The following RAD51B variants were observed in gnomAD, a reference collection of about 807,000 sequenced individuals.
RAD51B encodes the protein RAD51 paralog B.
In RAD51B, 38 loss-of-function variants were observed where a neutral mutation model predicts 42.2. The ratio of observed to expected loss-of-function variants is 0.90; its 90% CI spans 0.70 to 1.18. The LOEUF is 1.18. Ranked by LOEUF, RAD51B falls within the 50% of genes most tolerant of loss-of-function variation. RAD51B has a pLI of 0.00. For missense variants in RAD51B, 373 were observed against 400.7 expected (o/e 0.93, Z 0.59); for synonymous variants, 154 against 145.2 (o/e 1.06, Z -0.43).
exon 11 of RAD51B, chr14:68,594,663 A>T: frequency 7.8e-7 from 1 of 1,279,836 alleles, no homozygotes; most frequent in African/African-American, 1.5e-5. Context: ...TCCTGGCTTC[A>T]AGAGATCCAC....
At chr14:68,622,735 A>AAC (rs1891979239) in intron 10 of RAD51B, among the ~76,000 whole-genome samples, 2 of 151,710 alleles carry the variant, frequency 1.3e-5, no homozygotes, top group African/African-American at 4.8e-5. Flanking sequence ...AAAAAAAAAA[A>AAC]AAAAAAAACT....
At chr14:68,302,979 G>A (rs1317080701) in intron 8 of RAD51B, among the ~76,000 whole-genome samples, 1 of 152,170 alleles carries the variant, frequency 6.6e-6, no homozygotes. Context: ...CCAGTTTTGG[G>A]GCCAGTTTAT....
At chr14:68,483,206 T>C (rs1161221167) in intron 10 of RAD51B, among the ~76,000 whole-genome samples, 1 of 152,224 alleles carries the variant, frequency 6.6e-6, no homozygotes, top group Non-Finnish European at 1.5e-5. Flanking sequence ...AAAGGGGAAC[T>C]GGATATTGGT....
chr14:68,053,059 A>G (rs1467803932), intron 7 of RAD51B, among the ~76,000 whole-genome samples: 1 of 152,200 alleles, frequency 6.6e-6, no homozygotes, highest in Non-Finnish European at 1.5e-5. Flanking sequence ...TCATCTGCAG[A>G]AAAAGGGAAT....
At position 67,968,325 on chromosome 14, in the gene RAD51B, CCTT is replaced by C. The variant is rs1469209283; in HGVS notation, c.756+81125_756+81127del. ...TTGTCTTGGGGATTAGCATTCAGCT[CCTT>C]CTTGTGCAAATTTCTGCAGCCAGCT... On this transcript the variant is annotated intron_variant, in intron 7 of 10. Coordinates refer to ENST00000471583, the MANE Select transcript of RAD51B (RefSeq NM_133510.4). 2.6e-5 allele frequency among the ~76,000 whole-genome samples: 4 copies of C among 152,296 alleles called. No homozygotes were observed. The South Asian group carries it at 6.2e-4, about 24-fold the overall frequency.
intron 7 of RAD51B, among the ~76,000 whole-genome samples, chr14:67,947,865 T>A (rs1485686516): frequency 6.6e-6 from 1 of 152,216 alleles, no homozygotes; most frequent in Non-Finnish European, 1.5e-5. Flanking sequence ...TGTTTTCAAT[T>A]AGATATTTAA....
rs116971137 is a variant in RAD51B at position 67,846,969 on chromosome 14, G to T, written c.315+11773G>T. On this transcript the variant is annotated intron_variant, in intron 4 of 10. Coordinates refer to ENST00000471583, the MANE Select transcript of RAD51B (RefSeq NM_133510.4). ...GCTCAGGTGTCCACACCCTGGGGTCGTGGGGTCTCCTGCTGCTAGGATTTC... is the reference window on the plus strand; with the variant it reads ...GCTCAGGTGTCCACACCCTGGGGTCTTGGGGTCTCCTGCTGCTAGGATTTC... Among the ~76,000 whole-genome samples, 706 of 152,268 alleles carry T rather than the reference G, an allele frequency of 4.6e-3. 1 individual carries two copies. Among genetic ancestry groups the T allele is most frequent in the Middle Eastern group, 6.8e-3 (2 of 294 alleles).
At chr14:68,459,220 C>T (rs1223689037) in intron 9 of RAD51B, among the ~76,000 whole-genome samples, 2 of 152,192 alleles carry the variant, frequency 1.3e-5, no homozygotes, top group African/African-American at 4.8e-5. Flanking sequence ...GAGTTCAGCT[C>T]AACCTGGGAA....
chr14:68,538,844 C>T (rs770539530), intron 10 of RAD51B, among the ~76,000 whole-genome samples: 13 of 152,194 alleles, frequency 8.5e-5, no homozygotes, highest in Non-Finnish European at 1.5e-4. Flanking sequence ...CCACAGTTCC[C>T]ACCTGTTTCC....
intron 10 of RAD51B, among the ~76,000 whole-genome samples, chr14:68,506,711 G>A (rs143071084): frequency 1.3e-5 from 2 of 152,288 alleles, no homozygotes; most frequent in African/African-American, 4.8e-5. Context: ...GGGTGGGGGG[G>A]ACAAAGGAGA....
intron 3 of RAD51B, among the ~76,000 whole-genome samples, chr14:67,832,633 G>A (rs1022656254): frequency 1.3e-5 from 2 of 152,136 alleles, no homozygotes; most frequent in Non-Finnish European, 2.9e-5. Flanking sequence ...AATAATGTAT[G>A]TAAAGTACTT....
intron 8 of RAD51B, among the ~76,000 whole-genome samples, chr14:68,388,415 C>G (rs781127258): frequency 3.3e-5 from 5 of 152,056 alleles, no homozygotes; most frequent in Non-Finnish European, 5.9e-5. Flanking sequence ...TGTTGTTCTT[C>G]TAGTTGGTTT....
chr14:68,571,563 G>T (rs1184999532), intron 10 of RAD51B, among the ~76,000 whole-genome samples: 2 of 152,156 alleles, frequency 1.3e-5, no homozygotes, highest in African/African-American at 4.8e-5. Context: ...TTCCTCTTCT[G>T]CCTCCCTCTT....
At chr14:68,492,191 C>G (rs77754033) in intron 10 of RAD51B, among the ~76,000 whole-genome samples, 19 of 152,312 alleles carry the variant, frequency 1.2e-4, no homozygotes, top group African/African-American at 4.6e-4. Context: ...ATATCACCTT[C>G]TCTATGAGAC....
chr14:68,066,952 T>A (rs965544122), intron 7 of RAD51B, among the ~76,000 whole-genome samples: 7 of 152,180 alleles, frequency 4.6e-5, no homozygotes, highest in African/African-American at 1.7e-4. Context: ...CATTGAATGA[T>A]GCTAAAAGGA....
chr14:68,066,605 C>T (rs923768954), intron 7 of RAD51B, among the ~76,000 whole-genome samples: 3 of 152,028 alleles, frequency 2.0e-5, no homozygotes, highest in Admixed American at 6.6e-5. Context: ...ATTAGTCTTT[C>T]TTCTGGTTCT....
chr14:68,072,190 GTTTCTAGGT>G (rs1360809175), intron 7 of RAD51B, among the ~76,000 whole-genome samples: 2 of 124,934 alleles, frequency 1.6e-5, no homozygotes, highest in Non-Finnish European at 3.2e-5. Context: ...TATTTTCTAG[GTTTCTAGGT>G]TTTCTAGGTT....
downstream of RAD51B, among the ~76,000 whole-genome samples, chr14:68,597,708 T>C (rs952896698): frequency 4.0e-5 from 6 of 151,820 alleles, no homozygotes; most frequent in African/African-American, 1.5e-4. Flanking sequence ...GCTTAATACC[T>C]GGGTGATGAA....
intron 7 of RAD51B, among the ~76,000 whole-genome samples, chr14:67,912,950 C>T (rs1369311414): frequency 6.6e-6 from 1 of 152,130 alleles, no homozygotes; most frequent in Non-Finnish European, 1.5e-5. Context: ...GTAATCTGCC[C>T]GACTTGGCCT....
Sources: gnomAD v4.1 joint callset for allele counts (sites outside exome capture counted in the v4.1 genomes callset) on GRCh38, gnomAD v4.1.1 for gene constraint, MANE v1.5 for transcripts, NCBI Gene and HGNC (gene_info 2026-07-23, HGNC 2026-07-21) for gene names.